Variants in FRMD6 observed in about 807,000 individuals in gnomAD.
The protein encoded by FRMD6 is FERM domain-containing protein 6.
Under a neutral mutation model 73.2 loss-of-function variants are expected in FRMD6, and 37 were observed. The ratio of observed to expected loss-of-function variants is 0.51; its 90% confidence interval spans 0.39 to 0.66. The LOEUF (loss-of-function observed/expected upper bound fraction) is 0.66. FRMD6 is among the 30% of genes least tolerant of loss of function. The pLI is 0.00. For synonymous variants in FRMD6, 273 were observed against 282.2 expected (o/e 0.97, Z 0.33); for missense variants, 714 against 780.5 (o/e 0.91, Z 1.02).
At chr14:51,689,640 C>T (rs1161770097) in intron 1 of FRMD6, 51 bp from the exon 2 acceptor site, 22 of 586,572 alleles carry the variant, frequency 3.8e-5, no homozygotes, top group Non-Finnish European at 5.5e-5. Context: ...ACGCGCTCTT[C>T]GCAGTCTTCA....
intron 1 of FRMD6, among the ~76,000 whole-genome samples, chr14:51,544,781 T>C (rs1269855855): frequency 6.6e-6 from 1 of 152,076 alleles, no homozygotes; most frequent in Non-Finnish European, 1.5e-5. Context: ...AGAGACTTTG[T>C]AGTCAAGCCT....
chr14:51,576,497 C>A (rs190870060), intron 2 of FRMD6, among the ~76,000 whole-genome samples: 8 of 152,310 alleles, frequency 5.3e-5, no homozygotes, highest in Admixed American at 2.6e-4. Flanking sequence ...TCTTTTGAAG[C>A]AGAATGCTTT....
At chr14:51,675,527 T>G (rs1319784174) in intron 1 of FRMD6, among the ~76,000 whole-genome samples, 6 of 152,186 alleles carry the variant, frequency 3.9e-5, no homozygotes, top group Non-Finnish European at 5.9e-5. Flanking sequence ...TTATCATTTC[T>G]CTTAAGGGCT....
At chr14:51,544,194 AT>A (rs1158912427) in intron 1 of FRMD6, among the ~76,000 whole-genome samples, 13 of 152,084 alleles carry the variant, frequency 8.5e-5, no homozygotes, top group African/African-American at 2.7e-4. Flanking sequence ...CGCTTAAAAA[AT>A]ATCTCAATAA....
intron 1 of FRMD6, among the ~76,000 whole-genome samples, chr14:51,495,472 A>G (rs900242927): frequency 1.3e-5 from 2 of 152,244 alleles, no homozygotes; most frequent in African/African-American, 4.8e-5. Context: ...TAGAATGACA[A>G]ATTTTATAGC....
In FRMD6 at chr14:51,704,806, T is replaced by A. The variant is rs1403690636; in HGVS notation, c.429T>A (p.Ser143=). The change falls in exon 6 of 14, where the codon TCT becomes TCA. Residue 143 remains serine, a synonymous_variant. Coordinates refer to ENST00000344768, the MANE Select transcript of FRMD6 (RefSeq NM_001267046.2). The stretch of plus-strand genomic sequence containing the variant: ...ACCTGAGAAAACAAGTTCTTCATTC[T>A]CAGTGTGTGCTCCGAGAGGAGGCCT... The part of the protein sequence containing the change: ...YWHLRKQVLH[S]QCVLREEAYF... 6.8e-6 allele frequency: 11 copies of A among 1,613,278 alleles called. No individual in the cohort carries two copies. The highest frequency in any genetic ancestry group is 6.8e-6 in the Non-Finnish European group (8 of 1,179,592).
intron 1 of FRMD6, among the ~76,000 whole-genome samples, chr14:51,542,779 T>C (rs958106637): frequency 6.6e-6 from 1 of 152,106 alleles, no homozygotes; most frequent in African/African-American, 2.4e-5. Flanking sequence ...CCAACACTTA[T>C]TATACTCCAT....
chr14:51,609,416 C>G (rs1890397606), intron 2 of FRMD6, among the ~76,000 whole-genome samples: 1 of 152,158 alleles, frequency 6.6e-6, no homozygotes, highest in Non-Finnish European at 1.5e-5. Context: ...AAAGGGTGAA[C>G]TCCACAGACA....
At chr14:51,544,426 C>T (rs1886355329) in intron 1 of FRMD6, among the ~76,000 whole-genome samples, 1 of 151,980 alleles carries the variant, frequency 6.6e-6, no homozygotes, top group Non-Finnish European at 1.5e-5. Context: ...TTCTCAGAGC[C>T]ACATCAGTTA....
chr14:51,729,683 G>C lies in FRMD6; in HGVS notation c.*1654G>C, dbSNP rs1160757154. ...AACGAAATAGATGTAGGGTACAGTG[G>C]AACATAAGCAGTGTTACCCCTGGCT... On this transcript the variant is annotated 3_prime_UTR_variant, in exon 14 of 14. Coordinates refer to ENST00000344768, the MANE Select transcript of FRMD6 (RefSeq NM_001267046.2). 3 of 152,528 alleles carry C rather than the reference G, an allele frequency of 2.0e-5. No homozygotes were observed. Among genetic ancestry groups the C allele is most frequent in the African/African-American group, 7.2e-5 (3 of 41,420 alleles). The allele number at this position is 152,528 out of a possible 1,614,324, so 9.4% of individuals were successfully genotyped here.
the FRMD6 span, among the ~76,000 whole-genome samples, chr14:51,483,516 G>T: frequency 6.6e-6 from 1 of 152,206 alleles, no homozygotes; most frequent in Non-Finnish European, 1.5e-5. Flanking sequence ...CCAGGGCAAA[G>T]TCTCTAAGAT....
At chr14:51,644,366 C>CAT (rs1046143787) in intron 2 of FRMD6, among the ~76,000 whole-genome samples, 1 of 133,284 alleles carries the variant, frequency 7.5e-6, no homozygotes, top group Non-Finnish European at 1.6e-5. Flanking sequence ...CACACACACA[C>CAT]ACACACACAC....
chr14:51,564,245 G>A (rs528695592), intron 1 of FRMD6, among the ~76,000 whole-genome samples: 2 of 152,342 alleles, frequency 1.3e-5, no homozygotes, highest in African/African-American at 4.8e-5. Context: ...TAAGCTTGGA[G>A]AGTCTTCTCA....
intron 1 of FRMD6, among the ~76,000 whole-genome samples, chr14:51,686,414 C>T (rs1895154094): frequency 6.6e-6 from 1 of 152,032 alleles, no homozygotes; most frequent in Admixed American, 6.6e-5. Flanking sequence ...ATTGAATGCC[C>T]ATGGGTGGTG....
intron 1 of FRMD6, among the ~76,000 whole-genome samples, chr14:51,560,773 C>T (rs1474585825): frequency 1.3e-5 from 2 of 152,124 alleles, no homozygotes; most frequent in Non-Finnish European, 2.9e-5. Context: ...CGTGAGTCAC[C>T]GCACCTGGCT....
chr14:51,686,089 C>T (rs1895130447), intron 1 of FRMD6, among the ~76,000 whole-genome samples: 1 of 152,108 alleles, frequency 6.6e-6, no homozygotes, highest in South Asian at 2.1e-4. Context: ...TGAAAATCCT[C>T]CTTTGCCTAC....
At chr14:51,588,674 C>G (rs549266650) in intron 2 of FRMD6, among the ~76,000 whole-genome samples, 2 of 152,250 alleles carry the variant, frequency 1.3e-5, no homozygotes, top group East Asian at 3.9e-4. Context: ...CCAGGCTGCC[C>G]CAACCTCACA....
At chr14:51,480,725 G>C in the FRMD6 span, among the ~76,000 whole-genome samples, 1 of 151,972 alleles carries the variant, frequency 6.6e-6, no homozygotes, top group Non-Finnish European at 1.5e-5. Flanking sequence ...GTTTCCTCCT[G>C]GGTAAAATGA....
intron 1 of FRMD6, among the ~76,000 whole-genome samples, chr14:51,520,914 A>G (rs1012135075): frequency 2.2e-4 from 33 of 152,202 alleles, no homozygotes; most frequent in Non-Finnish European, 2.9e-5. Context: ...TGTCTCAAAA[A>G]TACGTAAATA....
Sources: gnomAD v4.1 joint callset for allele counts (sites outside exome capture counted in the v4.1 genomes callset) on GRCh38, gnomAD v4.1.1 for gene constraint, MANE v1.5 for transcripts, NCBI Gene and HGNC (gene_info 2026-07-23, HGNC 2026-07-21) for gene names.